POLR2F: variants seen among roughly 807,000 people sequenced by gnomAD.
The protein encoded by POLR2F is DNA-directed RNA polymerases I, II, and III subunit RPABC2.
In POLR2F, 12 loss-of-function variants were observed where a neutral mutation model predicts 22.7. That is an observed-to-expected ratio of 0.53 (90% CI 0.34 to 0.86). The LOEUF is 0.86. Among genes scored for constraint, POLR2F ranks in the 40% least tolerant of loss-of-function variants. The pLI, the probability that POLR2F is intolerant of heterozygous loss-of-function variation, is 0.02. For missense variants in POLR2F, 126 were observed against 171.5 expected, an observed-to-expected ratio of 0.73 and a Z score of 1.48; for synonymous variants, 57 against 66.0, an observed-to-expected ratio of 0.86 and a Z score of 0.66.
In POLR2F at chr22:38,016,848, A is replaced by G. The variant is rs2084920150; in HGVS notation, c.121-9021A>G. On this transcript the variant is annotated intron_variant, in intron 1 of 2. Transcript: ENST00000333418. This position sits in a 1 kb window ranked among gnomAD's most constrained non-coding sequence, Gnocchi z 4.4. ...GAGAGAGAAGGAAAAAAAAAAAGAT[A>G]CAAGCTGGGGAGGGAAGAGGAGGGC... is the stretch of plus-strand genomic sequence containing the variant. Among the ~76,000 whole-genome samples the G allele has an allele frequency of 6.6e-6, 1 of 151,766 alleles. No homozygotes were observed.
chr22:37,974,005 C>G, downstream of POLR2F: 1 of 1,613,574 alleles, frequency 6.2e-7, no homozygotes, highest in East Asian at 2.2e-5. The surrounding 1 kb of genome is among the most constrained non-coding windows in gnomAD (Gnocchi z 5.4). Context: ...GGTACTGGTC[C>G]AACTCAGCCA....
intron 4 of POLR2F, among the ~76,000 whole-genome samples, chr22:37,979,707 A>T (rs1194592308): frequency 6.6e-6 from 1 of 152,092 alleles, no homozygotes; most frequent in Non-Finnish European, 1.5e-5. Context: ...CTCCAGCCTT[A>T]GGCCAGGGTT....
intron 1 of POLR2F, among the ~76,000 whole-genome samples, chr22:38,020,431 ATT>A (rs753386178): frequency 1.0e-4 from 13 of 128,426 alleles, no homozygotes; most frequent in East Asian, 2.2e-4. Context: ...CACCTGGCTA[ATT>A]TTTTTTTTTT....
chr22:38,026,583 G>C, exon 3 of POLR2F: 1 of 301,662 alleles, frequency 3.3e-6, no homozygotes, highest in Non-Finnish European at 6.6e-6. Context: ...CCCCAAAGCC[G>C]CCCCCTCCCC....
intron 1 of POLR2F, among the ~76,000 whole-genome samples, chr22:38,009,280 A>T (rs773988111): frequency 3.3e-5 from 5 of 152,200 alleles, no homozygotes; most frequent in Non-Finnish European, 5.9e-5. Flanking sequence ...ATGTGCCCTG[A>T]TCTCTGTGTT....
downstream of POLR2F, chr22:37,973,707 G>A (rs1473395061): frequency 9.3e-6 from 15 of 1,606,860 alleles, no homozygotes; most frequent in Middle Eastern, 1.7e-4. Flanking sequence ...AACTGGGGGC[G>A]GGAGATGGAG....
chr22:37,998,186 GAAT>G (rs1330912365), intron 1 of POLR2F, among the ~76,000 whole-genome samples: 1 of 152,192 alleles, frequency 6.6e-6, no homozygotes, highest in African/African-American at 2.4e-5. Flanking sequence ...CAGGGGCAGG[GAAT>G]GAGGGGATGT....
At chr22:38,020,335 G>A (rs908902818) in intron 1 of POLR2F, among the ~76,000 whole-genome samples, 5 of 151,630 alleles carry the variant, frequency 3.3e-5, no homozygotes, top group Non-Finnish European at 7.4e-5. Flanking sequence ...TGCAACCTTG[G>A]CTCACTGCAA....
At chr22:38,008,857 CAAAA>C (rs551540324) in intron 1 of POLR2F, among the ~76,000 whole-genome samples, 1 of 82,518 alleles carries the variant, frequency 1.2e-5, no homozygotes, top group South Asian at 3.6e-4. Context: ...GATGCTGTCT[CAAAA>C]AAAAAAAAAA....
At position 37,967,914 on chromosome 22, in the gene POLR2F, G is replaced by A. The variant is rs1168680492; in HGVS notation, c.*199G>A. ...GGCCCTGTGACTGTCAGCTCCTTAA[G>A]AAGCACCAGGGGCCCTTAGCCCCTT... is the stretch of plus-strand genomic sequence containing the variant. On this transcript the variant is annotated 3_prime_UTR_variant, in exon 5 of 5. Transcript: ENST00000442738. 7.7e-7 allele frequency: 1 copy of A among 1,306,446 alleles called. No homozygotes were observed. Among genetic ancestry groups the A allele is most frequent in the African/African-American group, 1.5e-5 (1 of 65,718 alleles). 80.9% of individuals were successfully genotyped at this position (1,306,446 alleles called of 1,614,324 possible).
Position 37,953,864 on chromosome 22 carries a change from AGGCTTGGGTC to A in POLR2F, c.20+62_20+71del, listed in dbSNP as rs759228793. On this transcript the variant is annotated intron_variant, in intron 1 of 4. Transcript: ENST00000442738. ...AACCTTGGAAGGGGCGGATGAGGCA[AGGCTTGGGTC>A]GGCTGAGGAGCCTGGCGTCTAGGGG... is the stretch of plus-strand genomic sequence containing the variant. 8 of 1,583,756 alleles carry A rather than the reference AGGCTTGGGTC, an allele frequency of 5.1e-6. No homozygotes were observed. In the East Asian group the frequency reaches 1.4e-4, roughly 27 times the overall value.
intron 1 of POLR2F, among the ~76,000 whole-genome samples, chr22:37,996,436 G>T (rs922813450): frequency 6.6e-6 from 1 of 152,240 alleles, no homozygotes; most frequent in South Asian, 2.1e-4. Flanking sequence ...GGCAGTGGGG[G>T]ACAGAAATCC....
downstream of POLR2F, among the ~76,000 whole-genome samples, chr22:38,028,502 GCGTGTGCGTA>G (rs925890659): frequency 6.6e-6 from 1 of 152,024 alleles, no homozygotes; most frequent in Non-Finnish European, 1.5e-5. Context: ...GTGTGTGTGT[GCGTGTGCGTA>G]CGTGTGTGTG....
chr22:37,992,630 C>G lies in POLR2F; in HGVS notation c.120+6318C>G, dbSNP rs540680079. On this transcript the variant is annotated intron_variant, in intron 1 of 2. Transcript: ENST00000333418. ...CCCAGGCTGGTCTCAAACTCCAGAC[C>G]TCAGGTGATTCGCCCGCCTCGGCCT... is the stretch of plus-strand genomic sequence containing the variant. 2.6e-5 allele frequency among the ~76,000 whole-genome samples: 4 copies of G among 152,274 alleles called. No individual in the cohort carries two copies. The East Asian group carries it at 7.7e-4, about 29-fold the overall frequency.
chr22:37,982,486 G>A (rs1169053179), upstream of POLR2F, among the ~76,000 whole-genome samples: 1 of 152,138 alleles, frequency 6.6e-6, no homozygotes, highest in Non-Finnish European at 1.5e-5. Flanking sequence ...TGCTCCCTGC[G>A]GGGGATGTTT....
chr22:38,026,450 G>A (rs1335532077), exon 3 of POLR2F: 1 of 406,640 alleles, frequency 2.5e-6, no homozygotes, highest in Non-Finnish European at 5.2e-6. Flanking sequence ...CCAGGGGCTG[G>A]TCTTCATGAT....
chr22:37,992,196 G>A (rs139892), intron 1 of POLR2F, among the ~76,000 whole-genome samples: 102,331 of 152,004 alleles, frequency 0.67, 34,960 homozygotes, highest in African/African-American at 0.79. Context: ...TGGCAAATGA[G>A]TTAAGGTCTC....
At chr22:37,967,307 C>T in intron 4 of POLR2F, 137 bp downstream of exon 4, 5 of 1,517,056 alleles carry the variant, frequency 3.3e-6, no homozygotes, top group Non-Finnish European at 4.4e-6. Flanking sequence ...GAACAGCTCA[C>T]CAGGAAGTAG....
intron 5 of POLR2F, among the ~76,000 whole-genome samples, chr22:38,035,204 C>T (rs1301088620): frequency 5.9e-5 from 9 of 152,336 alleles, no homozygotes; most frequent in African/African-American, 2.2e-4. Flanking sequence ...GGCACAAACT[C>T]ACCATGGTGG....
Sources: allele counts gnomAD v4.1 joint callset (sites outside exome capture counted in the v4.1 genomes callset), GRCh38; gene constraint gnomAD v4.1.1; non-coding constraint Gnocchi (gnomAD v3.1); transcripts MANE v1.5; gene names NCBI Gene and HGNC (gene_info 2026-07-23, HGNC 2026-07-21).